The following F7 variants were observed in gnomAD, a reference collection of about 807,000 sequenced individuals.
F7 encodes the protein coagulation factor VII, also known as FVII coagulation protein.
F7 carries 38 observed loss-of-function variants against 47.5 expected under a neutral mutation model. The observed-to-expected ratio is 0.80, with a 90% CI of 0.62 to 1.05. The LOEUF (loss-of-function observed/expected upper bound fraction) is 1.05, where lower values mean the gene tolerates loss of function less well. Among genes scored for constraint, F7 ranks in the 50% least tolerant of loss-of-function variants. The pLI is 0.00. For synonymous variants in F7, 244 were observed against 258.5 expected, an observed-to-expected ratio of 0.94 and a Z score of 0.54; for missense variants, 575 against 605.4, an observed-to-expected ratio of 0.95 and a Z score of 0.53.
intron 1 of F7, among the ~76,000 whole-genome samples, chr13:113,109,571 G>A (rs1008271162): frequency 6.6e-6 from 1 of 152,138 alleles, no homozygotes; most frequent in Non-Finnish European, 1.5e-5. Context: ...TGCAGAACTC[G>A]GGCTCCTGCC....
At position 113,118,785 on chromosome 13, in the gene F7, C is replaced by T. The variant is rs755675469; in HGVS notation, c.1112C>T (p.Ser371Leu). The T allele has an allele frequency of 6.2e-6, 10 of 1,612,998 alleles. No homozygotes were observed. Among genetic ancestry groups the T allele is most frequent in the African/African-American group, 5.3e-5 (4 of 74,916 alleles). ...ITEYMFCAGY[S>L]DGSKDSCKGD... ...GAGTACATGTTCTGTGCCGGCTACT[C>T]GGATGGCAGCAAGGACTCCTGCAAG... is the stretch of plus-strand genomic sequence containing the variant. The change falls in exon 8 of 8, where the codon TCG (serine) becomes TTG (leucine). Residue 371 changes from serine to leucine, a missense_variant. Ser to Leu is a moderately radical substitution (Grantham distance 145). Coordinates refer to ENST00000346342, the MANE Select transcript of F7 (RefSeq NM_019616.4).
At chr13:113,109,657 C>T (rs1422425520) in intron 1 of F7, among the ~76,000 whole-genome samples, 1 of 152,198 alleles carries the variant, frequency 6.6e-6, no homozygotes, top group Non-Finnish European at 1.5e-5. Context: ...CTCCTGCGGC[C>T]TCTCCAGAGC....
At chr13:113,110,878 C>CCG in intron 2 of F7, 28 bp downstream of exon 2, 1 of 1,549,766 alleles carries the variant, frequency 6.5e-7, no homozygotes, top group Non-Finnish European at 8.7e-7. Flanking sequence ...GCGCCCCGCG[C>CCG]CGCGGACACT....
At chr13:113,112,928 A>T (rs1353931987) in intron 2 of F7, among the ~76,000 whole-genome samples, 2 of 150,308 alleles carry the variant, frequency 1.3e-5, no homozygotes, top group Non-Finnish European at 3.0e-5. Context: ...TCATACTCAC[A>T]GATCACTTCA....
intron 7 of F7, among the ~76,000 whole-genome samples, 171 bp downstream of exon 7, chr13:113,117,767 C>T (rs947328501): frequency 4.2e-5 from 6 of 141,986 alleles, no homozygotes; most frequent in Non-Finnish European, 9.1e-5. Context: ...CTCCGCTGTC[C>T]GACCGCGGTG....
intron 7 of F7, 71 bp from the exon 8 acceptor site, chr13:113,118,342 C>A: frequency 6.7e-7 from 1 of 1,492,374 alleles, no homozygotes; most frequent in East Asian, 2.3e-5. Flanking sequence ...ATGGCCACAG[C>A]CCATCCCCAT....
At chr13:113,112,459 T>C (rs1206204656) in intron 2 of F7, among the ~76,000 whole-genome samples, 2 of 135,096 alleles carry the variant, frequency 1.5e-5, no homozygotes, top group African/African-American at 2.8e-5. Flanking sequence ...TCTCACAGGA[T>C]ACCTCACACT....
In F7 at chr13:113,115,754, C is replaced by T. The variant is rs6042; in HGVS notation, c.459C>T (p.His153=). ...GCACCAAGCGCTCCTGTCGGTGCCA[C>T]GAGGGGTACTCTCTGCTGGCAGACG... ...HTGTKRSCRC[H]EGYSLLADGV... Residue 153 remains histidine (H), a synonymous_variant, in exon 5 of 8, where the codon CAC becomes CAT. Transcript: ENST00000346342. 0.13 allele frequency: 203,172 copies of T among 1,613,076 alleles called. 14,626 individuals carry two copies. Among genetic ancestry groups the T allele is most frequent in the South Asian group, 0.28 (25,272 of 91,068 alleles).
Position 113,118,867 on chromosome 13 carries a change from C to T in F7, c.1194C>T (p.Gly398=). Residue 398 remains glycine (G), a synonymous_variant, in exon 8 of 8, where the codon GGC becomes GGT. Transcript: ENST00000346342. ...ACCGGGGCACGTGGTACCTGACGGG[C>T]ATCGTCAGCTGGGGCCAGGGCTGCG... is the stretch of plus-strand genomic sequence containing the variant. ...THYRGTWYLT[G]IVSWGQGCAT... The T allele has an allele frequency of 6.2e-7, 1 of 1,612,754 alleles. No individual in the cohort carries two copies. Among genetic ancestry groups the T allele is most frequent in the Admixed American group, 1.7e-5 (1 of 60,002 alleles).
intron 1 of F7, among the ~76,000 whole-genome samples, chr13:113,109,785 G>T (rs1211162877): frequency 6.6e-6 from 1 of 152,142 alleles, no homozygotes; most frequent in African/African-American, 2.4e-5. Flanking sequence ...CGGCCGCCCC[G>T]GGGCGGGGGT....
In F7 at chr13:113,119,167, A is replaced by G; in HGVS notation, c.*159A>G. ...GAGACAGAAACAGAGAGAGACAGAG[A>G]CAGAGAGAGACTGAGGGAGAGACTC... On this transcript the variant is annotated 3_prime_UTR_variant, in exon 8 of 8. Transcript: ENST00000346342. 1.5e-6 allele frequency: 1 copy of G among 679,154 alleles called. No homozygotes were observed. The highest frequency in any genetic ancestry group is 2.5e-6 in the Non-Finnish European group (1 of 394,074). The allele number at this position is 679,154 out of a possible 1,614,324, so 42.1% of individuals were successfully genotyped here.
intron 2 of F7, among the ~76,000 whole-genome samples, chr13:113,111,163 C>A (rs149112097): frequency 1.3e-5 from 2 of 152,212 alleles, no homozygotes; most frequent in Non-Finnish European, 2.9e-5. Context: ...CCCCCCAGTC[C>A]CCGAAGGGTC....
At chr13:113,110,602 G>C in intron 1 of F7, 88 bp from the exon 2 acceptor site, 1 of 1,521,592 alleles carries the variant, frequency 6.6e-7, no homozygotes, top group Non-Finnish European at 8.9e-7. Context: ...GGGAACCTGC[G>C]ATGCCCCCGC....
rs1396143684 is a variant in F7 at position 113,105,906 on chromosome 13, G to A, written c.64+1G>A. The stretch of plus-strand genomic sequence containing the variant: ...GGGCTTCAGGGCTGCCTGGCTGCAG[G>A]TGCGTCCGGGGAGGTTTTCTCCATA... On this transcript the variant is annotated splice_donor_variant, in intron 1 of 7. Coordinates refer to ENST00000346342, the MANE Select transcript of F7 (RefSeq NM_019616.4). LOFTEE classifies it high-confidence loss of function. 3 of 1,585,434 alleles carry A rather than the reference G, an allele frequency of 1.9e-6. No individual in the cohort carries two copies. Among genetic ancestry groups the A allele is most frequent in the East Asian group, 2.3e-5 (1 of 44,102 alleles).
At chr13:113,110,604 T>C in intron 1 of F7, 86 bp from the exon 2 acceptor site, 1 of 1,519,502 alleles carries the variant, frequency 6.6e-7, no homozygotes. Flanking sequence ...GAACCTGCGA[T>C]GCCCCCGCCG....
At chr13:113,114,529 T>C in intron 4 of F7, 1 of 169,956 alleles carries the variant, frequency 5.9e-6, no homozygotes, top group South Asian at 1.4e-4. Context: ...GTCCTCTCCC[T>C]GTGGGGTCAT....
chr13:113,107,338 C>T (rs2035984340), intron 1 of F7, among the ~76,000 whole-genome samples: 1 of 74,870 alleles, frequency 1.3e-5, no homozygotes, highest in East Asian at 4.4e-4. Context: ...GTGGGTGTCC[C>T]GGGGGCGTGG....
chr13:113,118,525 C>G lies in F7; in HGVS notation c.852C>G (p.Leu284=). Residue 284 remains leucine (L), a synonymous_variant, in exon 8 of 8, where the codon CTC becomes CTG. Coordinates refer to ENST00000346342, the MANE Select transcript of F7 (RefSeq NM_019616.4). ...CCACCAACCACGACATCGCGCTGCT[C>G]CGCCTGCACCAGCCCGTGGTCCTCA... ...PGTTNHDIAL[L]RLHQPVVLTD... 6.2e-7 allele frequency: 1 copy of G among 1,611,998 alleles called. No homozygotes were observed. The highest frequency in any genetic ancestry group is 8.5e-7 in the Non-Finnish European group (1 of 1,179,900).
chr13:113,106,571 G>A (rs189725638), intron 1 of F7, among the ~76,000 whole-genome samples: 1 of 16 alleles, frequency 0.062, no homozygotes, highest in African/African-American at 0.12. Context: ...GGGCATGTGG[G>A]GTGTGGGGGA....
Sources: gnomAD v4.1 joint callset for allele counts (sites outside exome capture counted in the v4.1 genomes callset) on GRCh38, gnomAD v4.1.1 for gene constraint, MANE v1.5 for transcripts, NCBI Gene and HGNC (gene_info 2026-07-23, HGNC 2026-07-21) for gene names.